PARD3: variants seen among roughly 807,000 people sequenced by gnomAD.
PARD3 encodes the protein par-3 family cell polarity regulator, also known as partitioning defective 3 homolog.
PARD3 carries 75 observed loss-of-function variants against 155.4 expected under a neutral mutation model. The ratio of observed to expected loss-of-function variants is 0.48; its 90% CI spans 0.40 to 0.58. The LOEUF is 0.58. PARD3 is among the 20% of genes least tolerant of loss of function. PARD3 has a pLI of 0.00. For missense variants in PARD3, 1,642 were observed against 1,721.7 expected (o/e 0.95, Z 0.82); for synonymous variants, 576 against 610.5 (o/e 0.94, Z 0.83).
At chr10:34,122,011 A>T (rs960124349) in intron 23 of PARD3, among the ~76,000 whole-genome samples, 29 of 152,246 alleles carry the variant, frequency 1.9e-4, no homozygotes, top group African/African-American at 6.3e-4. Context: ...GCCAAAAAGG[A>T]AACTGAGCTG....
intron 2 of PARD3, among the ~76,000 whole-genome samples, chr10:34,574,021 T>C (rs2134184819): frequency 6.6e-6 from 1 of 152,266 alleles, no homozygotes; most frequent in South Asian, 2.1e-4. Context: ...GAGAGCAAAT[T>C]AGCCTATAAT....
chr10:34,742,255 GATC>G (rs1227783938), intron 1 of PARD3, among the ~76,000 whole-genome samples: 1 of 152,156 alleles, frequency 6.6e-6, no homozygotes, highest in Admixed American at 6.5e-5. Flanking sequence ...ACTGGGATGA[GATC>G]AGAGGCACTT....
intron 21 of PARD3, among the ~76,000 whole-genome samples, chr10:34,273,045 G>C (rs974252914): frequency 1.3e-5 from 2 of 152,058 alleles, no homozygotes; most frequent in African/African-American, 2.4e-5. Flanking sequence ...TGTCACCCTG[G>C]AAAATAGCCT....
intron 22 of PARD3, among the ~76,000 whole-genome samples, chr10:34,210,555 C>T (rs1951696457): frequency 6.6e-6 from 1 of 151,994 alleles, no homozygotes; most frequent in Non-Finnish European, 1.5e-5. Flanking sequence ...ATACATCCGG[C>T]GGTACAAAGT....
chr10:34,210,855 G>C (rs1474237122), intron 22 of PARD3, among the ~76,000 whole-genome samples: 2 of 152,156 alleles, frequency 1.3e-5, no homozygotes, highest in Non-Finnish European at 2.9e-5. Flanking sequence ...TTTCAACACA[G>C]TGTGGTGGTA....
chr10:34,208,658 C>T (rs1951594156), intron 22 of PARD3, among the ~76,000 whole-genome samples: 1 of 152,102 alleles, frequency 6.6e-6, no homozygotes, highest in African/African-American at 2.4e-5. Context: ...CCCAACGGTC[C>T]CCTAGAACTG....
intron 15 of PARD3, chr10:34,344,043 A>T: frequency 1.0e-6 from 1 of 954,026 alleles, no homozygotes; most frequent in Non-Finnish European, 1.2e-6. Flanking sequence ...ACGTCTTCTT[A>T]AACTCACCAC....
At chr10:34,402,495 T>C (rs1373270053) in intron 5 of PARD3, among the ~76,000 whole-genome samples, 3 of 152,186 alleles carry the variant, frequency 2.0e-5, no homozygotes, top group African/African-American at 7.2e-5. Flanking sequence ...CACATAAAGT[T>C]ACCCTAAGCC....
intron 2 of PARD3, among the ~76,000 whole-genome samples, chr10:34,684,053 T>G (rs955847785): frequency 6.6e-6 from 1 of 152,232 alleles, no homozygotes; most frequent in African/African-American, 2.4e-5. Flanking sequence ...TACAAGTTAT[T>G]TCATTTCCAG....
chr10:34,212,627 G>C (rs1951808494), intron 22 of PARD3, among the ~76,000 whole-genome samples: 1 of 151,870 alleles, frequency 6.6e-6, no homozygotes, highest in Non-Finnish European at 1.5e-5. Context: ...ACAGCCCCTC[G>C]TGGAGTAGGG....
chr10:34,233,984 G>A (rs982693288), intron 22 of PARD3, among the ~76,000 whole-genome samples: 3 of 152,076 alleles, frequency 2.0e-5, no homozygotes, highest in Non-Finnish European at 4.4e-5. Context: ...CAACACCTGT[G>A]TAACCAAGCC....
intron 24 of PARD3, 28 bp downstream of exon 24, chr10:34,119,585 C>T (rs1946871585): frequency 6.3e-7 from 1 of 1,578,152 alleles, no homozygotes; most frequent in East Asian, 2.3e-5. Context: ...CCGGGGGGAT[C>T]TGGAGGCTCG....
At chr10:34,208,610 G>C (rs781329250) in intron 22 of PARD3, among the ~76,000 whole-genome samples, 1 of 152,184 alleles carries the variant, frequency 6.6e-6, no homozygotes, top group Non-Finnish European at 1.5e-5. Context: ...AGAGAAGAGA[G>C]GTAGGCAAAG....
chr10:34,707,498 G>C (rs1310897094), intron 1 of PARD3, among the ~76,000 whole-genome samples: 1 of 152,118 alleles, frequency 6.6e-6, no homozygotes, highest in Non-Finnish European at 1.5e-5. Context: ...TAGCCCTCCA[G>C]GTGTTTCTGA....
At position 34,359,286 on chromosome 10, in the gene PARD3, A is replaced by G; in HGVS notation, c.1928T>C (p.Ile643Thr). 6.2e-7 allele frequency: 1 copy of G among 1,613,926 alleles called. No individual in the cohort carries two copies. Among genetic ancestry groups the G allele is most frequent in the Non-Finnish European group, 8.5e-7 (1 of 1,179,900 alleles). Residue 643 changes from isoleucine to threonine, a missense_variant, in exon 14 of 25, where the codon ATA becomes ACA. By Grantham distance (89) the Ile-to-Thr change is moderately conservative. This residue lies in a region of PARD3 where 1,529 missense variants were observed against 1,587.3 expected (regional missense o/e 0.96). Transcript: ENST00000374788. ...DGRLRVNDQL[I>T]AVNGESLLGK... ...CAACAGGGATTCTCCATTTACTGCT[A>G]TCAGTTGATCATTCACCCGAAGCCT...
intron 4 of PARD3, among the ~76,000 whole-genome samples, chr10:34,461,630 AAGAT>A (rs1472354603): frequency 2.6e-5 from 4 of 152,150 alleles, no homozygotes; most frequent in Non-Finnish European, 4.4e-5. Flanking sequence ...AATAAATAAA[AAGAT>A]GAAATGAGAT....
intron 19 of PARD3, among the ~76,000 whole-genome samples, chr10:34,330,012 G>T (rs1835449254): frequency 6.6e-6 from 1 of 152,036 alleles, no homozygotes; most frequent in Non-Finnish European, 1.5e-5. Context: ...ATATGTGATA[G>T]AAGTGGTCCA....
At chr10:34,755,741 A>C (rs925543560) in intron 1 of PARD3, among the ~76,000 whole-genome samples, 1 of 150,884 alleles carries the variant, frequency 6.6e-6, no homozygotes, top group Non-Finnish European at 1.5e-5. Context: ...GAAAAAGAAA[A>C]CATTCCATCC....
Position 34,375,018 on chromosome 10 carries a change from A to C in PARD3, c.1540-16T>G, listed in dbSNP as rs771728779. 6.2e-7 allele frequency: 1 copy of C among 1,607,552 alleles called. No individual in the cohort carries two copies. ...CTCCATTTACCTAAAACAAAACAAAAGTTTTCAGCTGTAATCCTGTGGAAA... is the reference window on the plus strand; with the variant it reads ...CTCCATTTACCTAAAACAAAACAAACGTTTTCAGCTGTAATCCTGTGGAAA... On this transcript the variant is annotated splice_polypyrimidine_tract_variant and intron_variant, in intron 10 of 24. Transcript: ENST00000374788.
Sources: allele counts gnomAD v4.1 joint callset (sites outside exome capture counted in the v4.1 genomes callset), GRCh38; gene constraint gnomAD v4.1.1; regional missense constraint gnomAD v4.1.1; transcripts MANE v1.5; gene names NCBI Gene and HGNC (gene_info 2026-07-23, HGNC 2026-07-21).